The following CCN4 variants were observed in gnomAD, a reference collection of about 807,000 sequenced individuals.
CCN4 encodes the protein CCN family member 4.
Under a neutral mutation model 36.7 loss-of-function variants are expected in CCN4, and 30 were observed. That is an observed-to-expected ratio of 0.82 (90% CI 0.61 to 1.11). The LOEUF is 1.11. Ranked by LOEUF, CCN4 falls within the 50% of genes least tolerant of loss-of-function variation. The pLI, the probability that CCN4 is intolerant of heterozygous loss-of-function variation, is 0.00. For missense variants in CCN4, 505 were observed against 504.9 expected (o/e 1.00, Z 0.00); for synonymous variants, 191 against 195.4 (o/e 0.98, Z 0.19).
chr8:133,206,848 AG>A (rs1853794008), intron 1 of CCN4, among the ~76,000 whole-genome samples: 1 of 152,216 alleles, frequency 6.6e-6, no homozygotes, highest in African/African-American at 2.4e-5. Context: ...AGCCACTGCC[AG>A]GGGGTTCTTG....
intron 1 of CCN4, among the ~76,000 whole-genome samples, chr8:133,191,818 CAG>C (rs1853123426): frequency 1.3e-5 from 2 of 152,028 alleles, no homozygotes; most frequent in African/African-American, 4.8e-5. Flanking sequence ...CTGCAGTCTG[CAG>C]AGTGTCCATA....
chr8:133,220,846 G>C lies in CCN4; in HGVS notation c.610+5G>C. 4.4e-6 allele frequency: 7 copies of C among 1,593,058 alleles called. No homozygotes were observed. The highest frequency in any genetic ancestry group is 8.6e-7 in the Non-Finnish European group (1 of 1,165,406). ...CCCGTGACACAGGAGCCTTCGGTGG[G>C]TGTGGGCCCGAGTGGGCTGGGGGTG... On this transcript the variant is annotated splice_donor_5th_base_variant and intron_variant, in intron 3 of 4. Coordinates refer to ENST00000250160, the MANE Select transcript of CCN4 (RefSeq NM_003882.4).
intron 2 of CCN4, among the ~76,000 whole-genome samples, chr8:133,215,126 A>G (rs1240742674): frequency 6.6e-6 from 1 of 152,212 alleles, no homozygotes; most frequent in African/African-American, 2.4e-5. Context: ...GTATGTTCAA[A>G]GAGAACTTGC....
At position 133,227,884 on chromosome 8, in the gene CCN4, A is replaced by G. The variant is rs1170839838; in HGVS notation, c.*174A>G. The G allele has an allele frequency of 4.3e-6, 3 of 703,476 alleles. No homozygotes were observed. Among genetic ancestry groups the G allele is most frequent in the Non-Finnish European group, 6.9e-6 (3 of 436,580 alleles). The allele number at this position is 703,476 out of a possible 1,614,324, so 43.6% of individuals were successfully genotyped here. ...TGATGGTGCTGCTCAGGCCCATGCTATGAGTTTTCTCCTTGATATCATTCA... is the reference window on the plus strand; with the variant it reads ...TGATGGTGCTGCTCAGGCCCATGCTGTGAGTTTTCTCCTTGATATCATTCA... On this transcript the variant is annotated 3_prime_UTR_variant, in exon 5 of 5. Coordinates refer to ENST00000250160, the MANE Select transcript of CCN4 (RefSeq NM_003882.4).
intron 1 of CCN4, 138 bp downstream of exon 1, chr8:133,191,351 C>A: frequency 9.5e-7 from 1 of 1,047,580 alleles, no homozygotes; most frequent in Non-Finnish European, 1.4e-6. Flanking sequence ...AGGGCAAGGA[C>A]AGAGCCCAGG....
At chr8:133,191,674 A>C (rs1853117217) in intron 1 of CCN4, among the ~76,000 whole-genome samples, 1 of 152,210 alleles carries the variant, frequency 6.6e-6, no homozygotes, top group Non-Finnish European at 1.5e-5. Context: ...GATGCTGCGA[A>C]GATGGGAGAT....
At chr8:133,222,881 A>T (rs894484507) in intron 3 of CCN4, among the ~76,000 whole-genome samples, 6 of 151,924 alleles carry the variant, frequency 3.9e-5, no homozygotes, top group Admixed American at 2.6e-4. Context: ...CACTGTCAAC[A>T]TCTTGGATGA....
At chr8:133,226,394 C>T (rs1207637012) in intron 4 of CCN4, among the ~76,000 whole-genome samples, 1 of 152,232 alleles carries the variant, frequency 6.6e-6, no homozygotes, top group African/African-American at 2.4e-5. Context: ...CACTCCTCAT[C>T]CCCTAGACAC....
intron 2 of CCN4, among the ~76,000 whole-genome samples, chr8:133,217,960 A>ACACACACACACACACACACACT (rs1204772421): frequency 3.3e-5 from 5 of 151,072 alleles, no homozygotes; most frequent in East Asian, 3.9e-4. Context: ...ACACACACAC[A>ACACACACACACACACACACACT]CTCTTCCTGG....
rs138621276 is a variant in CCN4, at chr8:133,197,711, G to A, written c.69+6498G>A. Among the ~76,000 whole-genome samples the A allele has an allele frequency of 3.3e-4, 51 of 152,278 alleles. No individual in the cohort carries two copies. The East Asian group carries it at 4.1e-3, about 12-fold the overall frequency. On this transcript the variant is annotated intron_variant, in intron 1 of 4. Transcript: ENST00000250160. ...GTCTCCAATCTGGAGGCAAGTTCAGGCTTGGGGCTTTGAGTGTGGATCTGC... is the reference window on the plus strand; with the variant it reads ...GTCTCCAATCTGGAGGCAAGTTCAGACTTGGGGCTTTGAGTGTGGATCTGC...
chr8:133,195,650 C>T (rs967774032), intron 1 of CCN4, among the ~76,000 whole-genome samples: 9 of 152,146 alleles, frequency 5.9e-5, no homozygotes, highest in African/African-American at 2.2e-4. Flanking sequence ...ATTTCCCCCT[C>T]GGCATGGCAT....
At chr8:133,206,685 G>A (rs561265677) in intron 1 of CCN4, among the ~76,000 whole-genome samples, 6 of 152,248 alleles carry the variant, frequency 3.9e-5, no homozygotes, top group East Asian at 1.9e-4. Context: ...AGTAGCCTTC[G>A]AGGGATGCTC....
rs1303220638 is a variant in CCN4, at chr8:133,227,861, A to T, written c.*151A>T. The T allele has an allele frequency of 1.3e-5, 11 of 838,808 alleles. No homozygotes were observed. Among genetic ancestry groups the T allele is most frequent in the Non-Finnish European group, 1.8e-6 (1 of 553,062 alleles). The allele number at this position is 838,808 out of a possible 1,614,324, so 52.0% of individuals were successfully genotyped here. On this transcript the variant is annotated 3_prime_UTR_variant, in exon 5 of 5. Coordinates refer to ENST00000250160, the MANE Select transcript of CCN4 (RefSeq NM_003882.4). ...TCTCTAACCATTCAAATGACGCCTG[A>T]TGGTGCTGCTCAGGCCCATGCTATG...
At chr8:133,215,257 A>G (rs879269440) in intron 2 of CCN4, among the ~76,000 whole-genome samples, 11 of 151,888 alleles carry the variant, frequency 7.2e-5, no homozygotes, top group Non-Finnish European at 1.0e-4. Flanking sequence ...CTTTAACAAG[A>G]CTCCCAGGTG....
rs59929763 is a variant in CCN4 at position 133,224,229 on chromosome 8, C to CTTTTTTTTTTTTTTTTTTTTTTTT, written c.611-1155_611-1132dup. On this transcript the variant is annotated intron_variant, in intron 3 of 4. Coordinates refer to ENST00000250160, the MANE Select transcript of CCN4 (RefSeq NM_003882.4). ...GATTTGAATTTGAAGCCCGTAAGTCCTTTTTTTTTTTTTTTTTTTTTTTTT... is the reference window on the plus strand; with the variant it reads ...GATTTGAATTTGAAGCCCGTAAGTCCTTTTTTTTTTTTTTTTTTTTTTTTTTTTTTTTTTTTTTTTTTTTTTTTT... Among the ~76,000 whole-genome samples the CTTTTTTTTTTTTTTTTTTTTTTTT allele has an allele frequency of 2.7e-4, 24 of 88,494 alleles. 12 individuals carry two copies. Among genetic ancestry groups the CTTTTTTTTTTTTTTTTTTTTTTTT allele is most frequent in the Admixed American group, 2.9e-4 (2 of 6,874 alleles). The allele number at this position is 88,494 out of a possible 152,430, so 58.1% of individuals were successfully genotyped here. A position where few individuals can be genotyped will look rare whatever the true frequency, so the allele number is the denominator to read the frequency against.
chr8:133,220,507 A>C, intron 2 of CCN4, 74 bp from the exon 3 acceptor site: 1 of 1,567,700 alleles, frequency 6.4e-7, no homozygotes, highest in South Asian at 1.2e-5. Context: ...GTCCACATGG[A>C]GCCCCTATAA....
At chr8:133,201,864 G>GAAAAGAAAAGAAA (rs1554740844) in intron 1 of CCN4, among the ~76,000 whole-genome samples, 12 of 151,084 alleles carry the variant, frequency 7.9e-5, no homozygotes, top group African/African-American at 2.9e-4. Context: ...GAAAAGAAAA[G>GAAAAGAAAAGAAA]AAAAGAAAAA....
intron 1 of CCN4, among the ~76,000 whole-genome samples, chr8:133,198,070 C>T (rs1853453929): frequency 6.6e-6 from 1 of 152,156 alleles, no homozygotes; most frequent in Non-Finnish European, 1.5e-5. Context: ...TACTCACTTT[C>T]TCATCTTGAA....
chr8:133,193,544 T>C (rs1853191799), intron 1 of CCN4, among the ~76,000 whole-genome samples: 1 of 152,234 alleles, frequency 6.6e-6, no homozygotes. Context: ...GTCCGCCATG[T>C]GCTAAGAGAA....
Sources: allele counts gnomAD v4.1 joint callset (sites outside exome capture counted in the v4.1 genomes callset), GRCh38; gene constraint gnomAD v4.1.1; transcripts MANE v1.5; gene names NCBI Gene and HGNC (gene_info 2026-07-23, HGNC 2026-07-21).